The following IL1RAPL2 variants were observed in gnomAD, a reference collection of about 807,000 sequenced individuals.
The protein encoded by IL1RAPL2 is interleukin 1 receptor accessory protein like 2.
A neutral mutation model predicts 44.1 loss-of-function variants in IL1RAPL2; 3 were observed. The ratio of observed to expected loss-of-function variants is 0.07; its 90% CI spans 0.03 to 0.18. The LOEUF (loss-of-function observed/expected upper bound fraction) is 0.18. IL1RAPL2 is among the 10% of genes least tolerant of loss of function. The pLI is 1.00. For synonymous variants in IL1RAPL2, 181 were observed against 178.8 expected (o/e 1.01, Z -0.10); for missense variants, 391 against 496.4 (o/e 0.79, Z 2.02).
intron 2 of IL1RAPL2, among the ~76,000 whole-genome samples, chrX:105,109,719 G>T (rs1381038395): frequency 2.7e-5 from 3 of 111,930 alleles, no homozygotes; most frequent in African/African-American, 9.7e-5. Context: ...AAAAACAACT[G>T]AATTGTACAC....
intron 2 of IL1RAPL2, among the ~76,000 whole-genome samples, chrX:104,818,239 G>A (rs1921194508): frequency 9.5e-6 from 1 of 105,597 alleles, no homozygotes; most frequent in Admixed American, 1.0e-4. Flanking sequence ...AGCTACTCGG[G>A]AGGCTGAGGC....
chrX:104,944,020 G>A (rs185878085), intron 2 of IL1RAPL2, among the ~76,000 whole-genome samples: 1 of 111,776 alleles, frequency 8.9e-6, no homozygotes, highest in African/African-American at 3.2e-5. Context: ...AGTAGCTGAT[G>A]TGGATTTACC....
Position 105,767,350 on chromosome X carries a change from A to G in IL1RAPL2, c.1750A>G (p.Ile584Val), listed in dbSNP as rs916745548. The G allele has an allele frequency of 3.3e-6, 4 of 1,210,195 alleles. No homozygotes were observed. The African/African-American group carries it at 5.2e-5, about 16-fold the overall frequency. Residue 584 changes from isoleucine (I) to valine (V), a missense_variant, in exon 11 of 11, where the codon ATA (isoleucine) becomes GTA (valine). Physicochemically the swap from Ile to Val is conservative, Grantham distance 29. Around this residue, in one of 2 missense-constraint regions of IL1RAPL2, gnomAD observed 232 missense variants for 244.8 expected, o/e 0.95. Transcript: ENST00000372582. ...EQGLFGELQP[I>V]PSIAMTSTSA... Reference sequence around the variant, plus strand: ...AGGACTTTTTGGAGAACTCCAGCCTATACCCTCTATTGCCATGACCAGTAC... The same window carrying G: ...AGGACTTTTTGGAGAACTCCAGCCTGTACCCTCTATTGCCATGACCAGTAC...
At chrX:105,549,084 C>T (rs1469358670) in intron 6 of IL1RAPL2, among the ~76,000 whole-genome samples, 1 of 111,382 alleles carries the variant, frequency 9.0e-6, no homozygotes, top group Admixed American at 9.6e-5. Context: ...ATGGTAAACA[C>T]GCAGTTAGTG....
At chrX:104,816,139 T>C (rs992808793) in intron 2 of IL1RAPL2, among the ~76,000 whole-genome samples, 3 of 111,623 alleles carry the variant, frequency 2.7e-5, no homozygotes, top group African/African-American at 9.8e-5. Context: ...AGAAAAAAAA[T>C]AACTTTGTTG....
intron 5 of IL1RAPL2, among the ~76,000 whole-genome samples, chrX:105,305,542 C>G (rs2034729507): frequency 9.0e-6 from 1 of 110,714 alleles, no homozygotes; most frequent in South Asian, 4.0e-4. Flanking sequence ...CCAACTTTCT[C>G]TCTTTCGCTC....
chrX:105,408,966 CTG>C (rs2035671897), intron 5 of IL1RAPL2, among the ~76,000 whole-genome samples: 1 of 110,102 alleles, frequency 9.1e-6, no homozygotes, highest in Admixed American at 9.7e-5. Flanking sequence ...TTTTTTGTCT[CTG>C]AGCTTTAATG....
Position 105,220,260 on chromosome X carries a change from C to T in IL1RAPL2, c.357-13558C>T, listed in dbSNP as rs782373679. 6.6e-6 allele frequency: 8 copies of T among 1,209,845 alleles called. No individual in the cohort carries two copies. In the East Asian group the frequency reaches 2.1e-4, roughly 31 times the overall value. ...CCAGTATGGCCCTCAGCTTGTCTTC[C>T]ACCTTCTCCCAGGATAAGGATATAT... On this transcript the variant is annotated intron_variant, in intron 3 of 10. Transcript: ENST00000372582.
rs1389833736 is a variant in IL1RAPL2 at position 105,033,133 on chromosome X, G to T, written c.83-162342G>T. 2.7e-5 allele frequency among the ~76,000 whole-genome samples: 3 copies of T among 111,261 alleles called. No homozygotes were observed. In the East Asian group the frequency reaches 8.5e-4, roughly 31 times the overall value. On this transcript the variant is annotated intron_variant, in intron 2 of 10. Transcript: ENST00000372582. ...TATGTGTGTCTCTGCACGTGAGATGGGTTTCCTGAATACAGCATACTGATG... is the reference window on the plus strand; with the variant it reads ...TATGTGTGTCTCTGCACGTGAGATGTGTTTCCTGAATACAGCATACTGATG...
intron 6 of IL1RAPL2, among the ~76,000 whole-genome samples, chrX:105,594,884 GA>G (rs1289520626): frequency 9.0e-6 from 1 of 111,371 alleles, no homozygotes; most frequent in East Asian, 2.8e-4. Flanking sequence ...CAGAATACAA[GA>G]GGGGAGAGAG....
At chrX:105,575,588 GTTA>G (rs1285698516) in intron 6 of IL1RAPL2, among the ~76,000 whole-genome samples, 6 of 112,139 alleles carry the variant, frequency 5.4e-5, no homozygotes, top group Non-Finnish European at 5.6e-5. Context: ...GGGCATTTAG[GTTA>G]ATTCCATGTC....
At chrX:104,767,077 G>T (rs1932570330) in intron 2 of IL1RAPL2, among the ~76,000 whole-genome samples, 1 of 111,922 alleles carries the variant, frequency 8.9e-6, no homozygotes, top group Non-Finnish European at 1.9e-5. Flanking sequence ...TTTCCATAGT[G>T]TAAGACACAT....
chrX:104,608,906 G>A (rs1929082692), intron 1 of IL1RAPL2, among the ~76,000 whole-genome samples: 1 of 111,165 alleles, frequency 9.0e-6, no homozygotes, highest in Non-Finnish European at 1.9e-5. Context: ...GATGCTAGCT[G>A]GTTGTTTTGC....
In IL1RAPL2 at chrX:104,949,562, A is replaced by G. The variant is rs748011979; in HGVS notation, c.83-245913A>G. Among the ~76,000 whole-genome samples, 15 of 106,284 alleles carry G rather than the reference A, an allele frequency of 1.4e-4. No homozygotes were observed. In the Middle Eastern group the frequency reaches 0.028, roughly 198 times the overall value. 92.3% of individuals were successfully genotyped at this position (106,284 alleles called of 115,157 possible). On this transcript the variant is annotated intron_variant, in intron 2 of 10. Transcript: ENST00000372582. The stretch of plus-strand genomic sequence containing the variant: ...CTTTCTCTTGTGGGCATTTAGTGCT[A>G]TAAATTTCCCTCTACACACTGCTTT...
At chrX:105,038,401 C>T (rs1421367843) in intron 2 of IL1RAPL2, among the ~76,000 whole-genome samples, 3 of 111,699 alleles carry the variant, frequency 2.7e-5, no homozygotes, top group Non-Finnish European at 5.6e-5. Context: ...TTCCCACTTT[C>T]CTTTATGTGT....
chrX:104,839,114 G>T (rs991689804), intron 2 of IL1RAPL2, among the ~76,000 whole-genome samples: 1 of 109,584 alleles, frequency 9.1e-6, no homozygotes, highest in East Asian at 2.9e-4. Context: ...CTCCCAAAGT[G>T]CTGGGATTAC....
At chrX:105,475,439 G>T (rs1336660322) in intron 5 of IL1RAPL2, among the ~76,000 whole-genome samples, 3 of 110,858 alleles carry the variant, frequency 2.7e-5, no homozygotes, top group East Asian at 2.9e-4. Context: ...TGATCTTTAA[G>T]CAAGGTAAAA....
At chrX:105,050,401 A>G (rs2031903548) in intron 2 of IL1RAPL2, among the ~76,000 whole-genome samples, 1 of 112,146 alleles carries the variant, frequency 8.9e-6, no homozygotes, top group Admixed American at 9.5e-5. Flanking sequence ...ATCTTTATGT[A>G]TACTTTAGCA....
intron 5 of IL1RAPL2, among the ~76,000 whole-genome samples, chrX:105,447,075 TTATATATATATATATATATA>T (rs1205983853): frequency 5.9e-5 from 1 of 16,878 alleles, no homozygotes; most frequent in Admixed American, 1.3e-3. Flanking sequence ...CTGGTTAAAA[TTATATATATATATATATATA>T]TATATATATA....
Sources: allele counts gnomAD v4.1 joint callset (sites outside exome capture counted in the v4.1 genomes callset), GRCh38; gene constraint gnomAD v4.1.1; regional missense constraint gnomAD v4.1.1; transcripts MANE v1.5; gene names NCBI Gene and HGNC (gene_info 2026-07-23, HGNC 2026-07-21).